The following RAPGEF4 variants were observed in gnomAD, a reference collection of about 807,000 sequenced individuals.
RAPGEF4 encodes the protein RAP guanine-nucleotide-exchange factor (GEF) 4.
Under a neutral mutation model 147.9 loss-of-function variants are expected in RAPGEF4, and 66 were observed. That is an observed-to-expected ratio of 0.45 (90% confidence interval 0.37 to 0.55). The LOEUF (loss-of-function observed/expected upper bound fraction) is 0.55, where lower values mean the gene tolerates loss of function less well. Ranked by LOEUF, RAPGEF4 falls within the 20% of genes least tolerant of loss-of-function variation. The probability of loss-of-function intolerance (pLI) is 0.00; values close to 1 mark genes in which losing one functional copy is unlikely to be tolerated. For missense variants in RAPGEF4, 1,071 were observed against 1,257.3 expected, an observed-to-expected ratio of 0.85 and a Z score of 2.24; for synonymous variants, 419 against 442.7, an observed-to-expected ratio of 0.95 and a Z score of 0.67.
intron 4 of RAPGEF4, among the ~76,000 whole-genome samples, chr2:172,885,234 C>T (rs557220933): frequency 6.6e-6 from 1 of 152,366 alleles, no homozygotes; most frequent in East Asian, 1.9e-4. Context: ...GGGTCCCCAG[C>T]AGGACAGAGC....
At position 172,797,605 on chromosome 2, in the gene RAPGEF4, A is replaced by G; in HGVS notation, c.289A>G (p.Ser97Gly). Residue 97 changes from serine to glycine, a missense_variant, in exon 3 of 31, where the codon AGT becomes GGT. By Grantham distance (56) the Ser-to-Gly change is moderately conservative (BLOSUM62 0). Transcript: ENST00000397081. ...GGATGTTAAAGTATCTGAGACCAGC[A>G]GTCACCAGGTAATATGGTCTATTTT... is the stretch of plus-strand genomic sequence containing the variant. The part of the protein sequence containing the change: ...SLDVKVSETS[S>G]HQDAVTICTL... The G allele has an allele frequency of 1.2e-6, 2 of 1,612,008 alleles. No homozygotes were observed. The highest frequency in any genetic ancestry group is 2.2e-5 in the South Asian group (2 of 90,886).
intron 17 of RAPGEF4, among the ~76,000 whole-genome samples, chr2:173,010,650 T>A (rs1261190302): frequency 6.6e-6 from 1 of 152,236 alleles, no homozygotes; most frequent in African/African-American, 2.4e-5. Flanking sequence ...TTCCTACCTT[T>A]TTTGTAGGAG....
chr2:172,749,369 G>A (rs922398736), intron 1 of RAPGEF4, among the ~76,000 whole-genome samples: 12 of 152,192 alleles, frequency 7.9e-5, no homozygotes, highest in Middle Eastern at 3.2e-3. Flanking sequence ...CTCAGTTCTT[G>A]ACTTCTGAAC....
chr2:172,852,990 TATTATGTAA>T (rs1480907858), intron 4 of RAPGEF4, among the ~76,000 whole-genome samples: 1 of 152,104 alleles, frequency 6.6e-6, no homozygotes, highest in Non-Finnish European at 1.5e-5. Flanking sequence ...GTAAAAACTC[TATTATGTAA>T]AAAGAATGAT....
chr2:172,965,808 T>C (rs1689776433), intron 9 of RAPGEF4, 125 bp downstream of exon 9: 6 of 1,214,768 alleles, frequency 4.9e-6, no homozygotes, highest in Non-Finnish European at 7.0e-6. Context: ...CCTGCAGAGC[T>C]AGCATCTTCA....
chr2:172,915,797 G>A (rs1246484821), intron 4 of RAPGEF4, among the ~76,000 whole-genome samples: 1 of 151,778 alleles, frequency 6.6e-6, no homozygotes, highest in Admixed American at 6.6e-5. Context: ...TATTGGTCAT[G>A]AGTTAATAAT....
Position 172,878,356 on chromosome 2 carries a change from A to G in RAPGEF4, c.445-39446A>G, listed in dbSNP as rs377097636. ...TTGTACCTTACCTCAAAATATTCTG[A>G]TGTCCATGTGAGTTTGTATCCAGAA... On this transcript the variant is annotated intron_variant, in intron 4 of 30. Transcript: ENST00000397081. Among the ~76,000 whole-genome samples, 4 of 152,126 alleles carry G rather than the reference A, an allele frequency of 2.6e-5. No homozygotes were observed. The East Asian group carries it at 7.7e-4, about 29-fold the overall frequency.
In RAPGEF4 at chr2:173,014,624, G is replaced by A. The variant is rs1273292894; in HGVS notation, c.1809+10G>A. ...TATGGCCTTCCTGGAGGTAGGCAGG[G>A]GTCATCTCTTCCAAGAATATACTGT... On this transcript the variant is annotated intron_variant, in intron 18 of 30. Transcript: ENST00000397081. 2 of 1,610,780 alleles carry A rather than the reference G, an allele frequency of 1.2e-6. No individual in the cohort carries two copies. The highest frequency in any genetic ancestry group is 1.7e-6 in the Non-Finnish European group (2 of 1,178,040).
chr2:172,856,460 TTG>T (rs1340727305), intron 4 of RAPGEF4, among the ~76,000 whole-genome samples: 2 of 152,198 alleles, frequency 1.3e-5, no homozygotes, highest in African/African-American at 2.4e-5. Context: ...GGTTATTTTT[TTG>T]TGTGTCTTTG....
At chr2:172,970,146 A>G (rs1380116172) in intron 10 of RAPGEF4, among the ~76,000 whole-genome samples, 2 of 150,846 alleles carry the variant, frequency 1.3e-5, no homozygotes, top group East Asian at 1.9e-4. Context: ...TGGGAGACAG[A>G]TATTCCAACT....
At chr2:172,803,512 G>T (rs570438946) in intron 3 of RAPGEF4, among the ~76,000 whole-genome samples, 1 of 152,314 alleles carries the variant, frequency 6.6e-6, no homozygotes, top group African/African-American at 2.4e-5. Context: ...CTTGGCCCAT[G>T]AAACCATTTT....
chr2:173,045,446 A>T (rs1266975556), intron 29 of RAPGEF4, among the ~76,000 whole-genome samples: 1 of 152,260 alleles, frequency 6.6e-6, no homozygotes, highest in Non-Finnish European at 1.5e-5. Context: ...AAACTGTCTT[A>T]TGAAGAATTG....
intron 4 of RAPGEF4, among the ~76,000 whole-genome samples, chr2:172,890,676 A>G (rs192694659): frequency 6.6e-6 from 1 of 152,324 alleles, no homozygotes; most frequent in East Asian, 1.9e-4. Flanking sequence ...TGAATCTGCA[A>G]GAAGCAGGGA....
chr2:172,839,904 C>T (rs1000165378), intron 4 of RAPGEF4, among the ~76,000 whole-genome samples: 1 of 152,116 alleles, frequency 6.6e-6, no homozygotes, highest in Non-Finnish European at 1.5e-5. Context: ...AAGTCATATG[C>T]ATATGAAAGG....
chr2:172,756,294 TG>T (rs1160488695), intron 1 of RAPGEF4, among the ~76,000 whole-genome samples: 3 of 152,354 alleles, frequency 2.0e-5, no homozygotes, highest in African/African-American at 7.2e-5. Flanking sequence ...GGTGCCTGTG[TG>T]CTCCAGTGCC....
chr2:172,787,453 G>A (rs1180998375), intron 1 of RAPGEF4, among the ~76,000 whole-genome samples: 1 of 151,952 alleles, frequency 6.6e-6, no homozygotes, highest in Non-Finnish European at 1.5e-5. Context: ...CATCTTGGAA[G>A]AGCTGAGGAA....
intron 1 of RAPGEF4, among the ~76,000 whole-genome samples, chr2:172,794,495 C>T (rs1686177218): frequency 6.6e-6 from 1 of 152,190 alleles, no homozygotes; most frequent in South Asian, 2.1e-4. Context: ...ATAAGAGCTG[C>T]TCCCTGCGGA....
chr2:172,784,673 A>G (rs905550130), intron 1 of RAPGEF4, among the ~76,000 whole-genome samples: 2 of 152,174 alleles, frequency 1.3e-5, no homozygotes, highest in African/African-American at 4.8e-5. Context: ...AGTGGTTAAT[A>G]ATCATATAAT....
chr2:173,014,654 C>A (rs774958690), intron 18 of RAPGEF4, 40 bp downstream of exon 18: 1 of 1,591,858 alleles, frequency 6.3e-7, no homozygotes, highest in African/African-American at 1.3e-5. Context: ...TACTGTTGTC[C>A]TGCAATACAG....
Sources: gnomAD v4.1 joint callset for allele counts (sites outside exome capture counted in the v4.1 genomes callset) on GRCh38, gnomAD v4.1.1 for gene constraint, MANE v1.5 for transcripts, NCBI Gene and HGNC (gene_info 2026-07-23, HGNC 2026-07-21) for gene names.